The following NLN variants were observed in gnomAD, a reference collection of about 807,000 sequenced individuals.
NLN encodes neurolysin, mitochondrial.
In NLN, 64 loss-of-function variants were observed where a neutral mutation model predicts 79.9. That is an observed-to-expected ratio of 0.80 (90% CI 0.65 to 0.99). NLN has a LOEUF of 0.99. Ranked by LOEUF, NLN falls within the 50% of genes least tolerant of loss-of-function variation. The pLI, the probability that NLN is intolerant of heterozygous loss-of-function variation, is 0.00. For synonymous variants in NLN, 267 were observed against 296.6 expected (o/e 0.90, Z 1.02); for missense variants, 835 against 858.7 (o/e 0.97, Z 0.34).
intron 1 of NLN, among the ~76,000 whole-genome samples, chr5:65,729,516 A>C (rs1397636998): frequency 1.3e-5 from 2 of 151,814 alleles, no homozygotes. Context: ...CTGGGATTAC[A>C]GGCACCTGCC....
intron 9 of NLN, among the ~76,000 whole-genome samples, chr5:65,807,845 T>C (rs1760451113): frequency 6.6e-6 from 1 of 152,254 alleles, no homozygotes; most frequent in Admixed American, 6.5e-5. Context: ...TTTGTGTGGC[T>C]TACTTTATTG....
intron 9 of NLN, among the ~76,000 whole-genome samples, chr5:65,798,827 A>G (rs1760222082): frequency 6.6e-6 from 1 of 152,166 alleles, no homozygotes; most frequent in South Asian, 2.1e-4. Flanking sequence ...CATTTTCTAC[A>G]TGTATTATTT....
At chr5:65,734,842 A>AT (rs1321377335) in intron 1 of NLN, among the ~76,000 whole-genome samples, 1 of 152,208 alleles carries the variant, frequency 6.6e-6, no homozygotes, top group Non-Finnish European at 1.5e-5. Flanking sequence ...TTATACATCT[A>AT]TACATTATTT....
At chr5:65,751,967 CAGTGGCGTATGCTTGTCATCCCA>C (rs1485690855) in intron 1 of NLN, among the ~76,000 whole-genome samples, 3 of 152,104 alleles carry the variant, frequency 2.0e-5, no homozygotes, top group African/African-American at 7.2e-5. Context: ...TGGCCTGGTG[CAGTGGCGTATGCTTGTCATCCCA>C]ACACTTTGGG....
intron 1 of NLN, among the ~76,000 whole-genome samples, 192 bp from the exon 2 acceptor site, chr5:65,758,375 T>G (rs1759265844): frequency 6.6e-6 from 1 of 152,218 alleles, no homozygotes; most frequent in Non-Finnish European, 1.5e-5. Flanking sequence ...ATTAAAACTA[T>G]GTAATTATGC....
intron 3 of NLN, among the ~76,000 whole-genome samples, chr5:65,775,410 GC>G (rs1480615275): frequency 6.6e-6 from 1 of 152,152 alleles, no homozygotes; most frequent in Non-Finnish European, 1.5e-5. Context: ...TCCTTTCCTT[GC>G]TGGGATGGCC....
intron 1 of NLN, among the ~76,000 whole-genome samples, chr5:65,736,037 G>A (rs992437784): frequency 6.6e-6 from 1 of 152,156 alleles, no homozygotes; most frequent in Non-Finnish European, 1.5e-5. Context: ...GATATTTCTA[G>A]TATGAAAAAT....
chr5:65,767,732 C>T (rs1759483048), intron 3 of NLN, among the ~76,000 whole-genome samples: 1 of 152,162 alleles, frequency 6.6e-6, no homozygotes, highest in Admixed American at 6.5e-5. Flanking sequence ...AACATAAGTC[C>T]CGATTTCAAA....
chr5:65,777,636 T>C, intron 4 of NLN, 102 bp downstream of exon 4: 2 of 757,930 alleles, frequency 2.6e-6, no homozygotes, highest in East Asian at 5.4e-5. Context: ...TGCTCCACAG[T>C]CTGCAACTTT....
chr5:65,792,369 G>T, intron 8 of NLN, 85 bp from the exon 9 acceptor site: 2 of 793,858 alleles, frequency 2.5e-6, no homozygotes, highest in South Asian at 3.2e-5. Flanking sequence ...TAACAGATAT[G>T]GCTTAATGAC....
At position 65,739,432 on chromosome 5, in the gene NLN, G is replaced by A. The variant is rs373309140; in HGVS notation, c.41+17018G>A. ...TCCATTTGTCAGCTGATGGACACAA[G>A]TTGATTCTATGTCTTGTCTATTGTG... On this transcript the variant is annotated intron_variant, in intron 1 of 12. Transcript: ENST00000380985. Among the ~76,000 whole-genome samples, 42 of 152,246 alleles carry A rather than the reference G, an allele frequency of 2.8e-4. 1 individual carries two copies. In the East Asian group the frequency reaches 4.8e-3, roughly 17 times the overall value.
At chr5:65,722,609 G>T (rs368062996) in intron 1 of NLN, 195 bp downstream of exon 1, 83 of 537,150 alleles carry the variant, frequency 1.5e-4, no homozygotes, top group African/African-American at 1.3e-3. Context: ...TCCCGCCTCC[G>T]CTCCCTCGGG....
At chr5:65,820,939 G>A (rs1193424216) in intron 12 of NLN, among the ~76,000 whole-genome samples, 1 of 90,258 alleles carries the variant, frequency 1.1e-5, no homozygotes, top group Admixed American at 1.3e-4. Flanking sequence ...CTTACTTGGA[G>A]GCTGAGGCAT....
intron 9 of NLN, among the ~76,000 whole-genome samples, chr5:65,795,796 A>G (rs866629577): frequency 3.3e-5 from 5 of 152,254 alleles, no homozygotes; most frequent in Admixed American, 6.5e-5. Context: ...TCCTTTAATT[A>G]GGATAACTCC....
intron 1 of NLN, among the ~76,000 whole-genome samples, chr5:65,751,914 T>C (rs551418556): frequency 6.6e-6 from 1 of 152,206 alleles, no homozygotes; most frequent in South Asian, 2.1e-4. Flanking sequence ...TCAATTCCCG[T>C]ATGGTATTCT....
chr5:65,812,100 A>G (rs1050051857), intron 11 of NLN, among the ~76,000 whole-genome samples, 155 bp from the exon 12 acceptor site: 1 of 152,186 alleles, frequency 6.6e-6, no homozygotes, highest in Non-Finnish European at 1.5e-5. Context: ...ATCTTGGCCA[A>G]GAGGACACAT....
At chr5:65,796,487 A>C (rs1760176827) in intron 9 of NLN, among the ~76,000 whole-genome samples, 1 of 152,226 alleles carries the variant, frequency 6.6e-6, no homozygotes, top group Admixed American at 6.5e-5. Context: ...AGACATATTC[A>C]GTTCTTAAAG....
intron 3 of NLN, among the ~76,000 whole-genome samples, chr5:65,764,884 ATGAC>A (rs1759418700): frequency 1.3e-5 from 2 of 152,212 alleles, no homozygotes; most frequent in African/African-American, 4.8e-5. Flanking sequence ...AACATCTTCC[ATGAC>A]AAATGGTTAT....
At chr5:65,801,564 C>G (rs1017433517) in intron 9 of NLN, among the ~76,000 whole-genome samples, 2 of 152,154 alleles carry the variant, frequency 1.3e-5, no homozygotes, top group African/African-American at 4.8e-5. Context: ...CCAAAGGGCT[C>G]ACAGAGAAAC....
Sources: allele counts gnomAD v4.1 joint callset (sites outside exome capture counted in the v4.1 genomes callset), GRCh38; gene constraint gnomAD v4.1.1; transcripts MANE v1.5; gene names NCBI Gene and HGNC (gene_info 2026-07-23, HGNC 2026-07-21).